INTS15: variants seen among roughly 807,000 people sequenced by gnomAD.
INTS15 encodes the protein integrator complex subunit 15, also known as uncharacterized protein C7orf26.
the INTS15 span, chr7:6,607,927 C>T: frequency 2.0e-4 from 319 of 1,595,994 alleles, 1 homozygote; most frequent in Admixed American, 1.7e-4. The surrounding 1 kb of genome is among the most constrained non-coding windows in gnomAD (Gnocchi z 6.0). Flanking sequence ...CCCCGGAGCC[C>T]GCCCGCGCTG....
chr7:6,590,252 G>A, the INTS15 span: 1 of 1,472,630 alleles, frequency 6.8e-7, no homozygotes, highest in African/African-American at 1.5e-5. Flanking sequence ...GAAGTGAGAC[G>A]CGCTCGGCGC....
At chr7:6,600,574 G>T in the INTS15 span, among the ~76,000 whole-genome samples, 2 of 152,182 alleles carry the variant, frequency 1.3e-5, no homozygotes, top group Admixed American at 6.5e-5. Context: ...GGAGGTCTCA[G>T]TGTCGCCCAG....
chr7:6,591,174 C>T, the INTS15 span, among the ~76,000 whole-genome samples: 1 of 152,004 alleles, frequency 6.6e-6, no homozygotes, highest in African/African-American at 2.4e-5. Context: ...AAAGATCTCC[C>T]TGAGACCTGA....
the INTS15 span, among the ~76,000 whole-genome samples, chr7:6,597,940 T>C: frequency 6.6e-6 from 1 of 152,184 alleles, no homozygotes; most frequent in Non-Finnish European, 1.5e-5. Context: ...CTTTCCTGGA[T>C]GGAGCTGAGA....
chr7:6,590,546 G>A, the INTS15 span: 15 of 1,427,150 alleles, frequency 1.1e-5, no homozygotes, highest in Non-Finnish European at 1.4e-5. Flanking sequence ...AGCGATGCAG[G>A]GCTGTGTCAA....
the INTS15 span, among the ~76,000 whole-genome samples, chr7:6,598,196 C>T: frequency 3.6e-3 from 551 of 152,158 alleles, 4 homozygotes; most frequent in African/African-American, 0.012. Flanking sequence ...GTGGCCGGGA[C>T]GGGTGGCTCA....
chr7:6,591,782 G>C, the INTS15 span: 1 of 1,614,068 alleles, frequency 6.2e-7, no homozygotes. Flanking sequence ...GATGACAGCC[G>C]GATGAGCTTG....
At chr7:6,593,254 G>C in the INTS15 span, among the ~76,000 whole-genome samples, 1 of 151,384 alleles carries the variant, frequency 6.6e-6, no homozygotes, top group Non-Finnish European at 1.5e-5. Context: ...GTAAGCAAAC[G>C]AATAAGCGCG....
At chr7:6,606,386 A>G in the INTS15 span, among the ~76,000 whole-genome samples, 1 of 72,010 alleles carries the variant, frequency 1.4e-5, no homozygotes, top group South Asian at 2.9e-4. Flanking sequence ...GGGAGTAGAC[A>G]GAGAGCAGGC....
the INTS15 span, chr7:6,600,106 G>A: frequency 1.2e-6 from 2 of 1,614,212 alleles, no homozygotes; most frequent in East Asian, 2.2e-5. Flanking sequence ...CCCACCTCTT[G>A]TACTCAAAAC....
chr7:6,599,351 C>G, the INTS15 span, among the ~76,000 whole-genome samples: 1 of 151,902 alleles, frequency 6.6e-6, no homozygotes, highest in Non-Finnish European at 1.5e-5. Context: ...TTGGGACGGC[C>G]CTTGGCAGCA....
the INTS15 span, chr7:6,594,682 T>A: frequency 3.8e-6 from 5 of 1,332,896 alleles, no homozygotes; most frequent in African/African-American, 7.3e-5. Context: ...CCAGGTGAAG[T>A]GTCCAGTGAA....
chr7:6,607,584 T>A, the INTS15 span: 6 of 1,355,628 alleles, frequency 4.4e-6, no homozygotes, highest in Non-Finnish European at 4.9e-6. The surrounding 1 kb of genome is among the most constrained non-coding windows in gnomAD (Gnocchi z 6.0). Context: ...CTGGGGCTTC[T>A]GCTTGGAATT....
chr7:6,591,393 A>T, the INTS15 span, among the ~76,000 whole-genome samples: 2 of 150,538 alleles, frequency 1.3e-5, no homozygotes, highest in Admixed American at 1.3e-4. Context: ...AAGCCTCCCG[A>T]GTAGCTGGGA....
chr7:6,600,572 C>G, the INTS15 span, among the ~76,000 whole-genome samples: 1 of 152,200 alleles, frequency 6.6e-6, no homozygotes, highest in Non-Finnish European at 1.5e-5. Flanking sequence ...TGGGAGGTCT[C>G]AGTGTCGCCC....
At chr7:6,590,515 G>T in the INTS15 span, 2 of 1,501,736 alleles carry the variant, frequency 1.3e-6, no homozygotes, top group South Asian at 1.3e-5. Flanking sequence ...CCCCGCAGGC[G>T]GGCGGGCGGG....
the INTS15 span, among the ~76,000 whole-genome samples, chr7:6,604,677 C>A: frequency 1.5e-3 from 221 of 152,308 alleles, 1 homozygote; most frequent in Middle Eastern, 3.4e-3. Flanking sequence ...GCAGCGCTCG[C>A]AGGCTGAGAC....
chr7:6,607,636 C>T, the INTS15 span: 1 of 1,469,140 alleles, frequency 6.8e-7, no homozygotes, highest in Non-Finnish European at 9.1e-7. This position sits in a 1 kb window ranked among gnomAD's most constrained non-coding sequence, Gnocchi z 6.0. Flanking sequence ...GAGACTGTGG[C>T]CAGCTGTTCT....
At chr7:6,594,238 C>T in the INTS15 span, among the ~76,000 whole-genome samples, 1 of 147,792 alleles carries the variant, frequency 6.8e-6, no homozygotes, top group African/African-American at 2.5e-5. Flanking sequence ...AACTCCTGAC[C>T]TCAGGTGATC....
Sources: allele counts gnomAD v4.1 joint callset (sites outside exome capture counted in the v4.1 genomes callset), GRCh38; gene constraint gnomAD v4.1.1; non-coding constraint Gnocchi (gnomAD v3.1); transcripts MANE v1.5; gene names NCBI Gene and HGNC (gene_info 2026-07-23, HGNC 2026-07-21).